The following SLIT3 variants were observed in gnomAD, a reference collection of about 807,000 sequenced individuals.
The protein encoded by SLIT3 is slit homolog 3 protein.
SLIT3 carries 68 observed loss-of-function variants against 184.0 expected under a neutral mutation model. That is an observed-to-expected ratio of 0.37 (90% confidence interval 0.30 to 0.45). The LOEUF (loss-of-function observed/expected upper bound fraction) is 0.45, where lower values mean the gene tolerates loss of function less well. SLIT3 is among the 20% of genes least tolerant of loss of function. The pLI is 1.00. For missense variants in SLIT3, 1,707 were observed against 2,026.0 expected, an observed-to-expected ratio of 0.84 and a Z score of 3.02; for synonymous variants, 831 against 828.6, an observed-to-expected ratio of 1.00 and a Z score of -0.05.
At chr5:168,810,257 C>A (rs1351895740) in intron 8 of SLIT3, among the ~76,000 whole-genome samples, 1 of 152,216 alleles carries the variant, frequency 6.6e-6, no homozygotes, top group South Asian at 2.1e-4. Flanking sequence ...GAATCACTTT[C>A]TATATCTCCG....
intron 4 of SLIT3, among the ~76,000 whole-genome samples, chr5:169,040,670 T>C: frequency 6.6e-6 from 1 of 152,224 alleles, no homozygotes; most frequent in East Asian, 1.9e-4. Context: ...CATTCCCCTA[T>C]GGAACTGTCT....
intron 4 of SLIT3, among the ~76,000 whole-genome samples, chr5:169,045,937 A>G (rs752720314): frequency 1.3e-5 from 2 of 152,224 alleles, no homozygotes; most frequent in African/African-American, 2.4e-5. Flanking sequence ...GTGCATTGCT[A>G]TATCTCTAGG....
intron 1 of SLIT3, among the ~76,000 whole-genome samples, chr5:169,292,643 T>C (rs1167188823): frequency 6.6e-6 from 1 of 152,126 alleles, no homozygotes; most frequent in African/African-American, 2.4e-5. Context: ...TAAAGATCCA[T>C]AGGGCAAGCT....
chr5:169,060,920 T>C (rs1758154936), intron 4 of SLIT3, among the ~76,000 whole-genome samples: 1 of 152,188 alleles, frequency 6.6e-6, no homozygotes, highest in Non-Finnish European at 1.5e-5. Flanking sequence ...ATGGGACCTT[T>C]AGTGGTATCC....
chr5:168,869,918 A>G (rs972352501), intron 5 of SLIT3, among the ~76,000 whole-genome samples: 3 of 152,234 alleles, frequency 2.0e-5, no homozygotes, highest in Non-Finnish European at 4.4e-5. Flanking sequence ...AATGTTAACA[A>G]TGGCAAATAA....
chr5:168,710,982 C>G lies in SLIT3; in HGVS notation c.2632G>C (p.Glu878Gln). Residue 878 changes from glutamate to glutamine, a missense_variant, in exon 25 of 36, where the codon GAG (glutamate) becomes CAG (glutamine). Glu to Gln is a conservative substitution (Grantham distance 29). This residue lies in a region of SLIT3 where 1,307 missense variants were observed against 1,511.6 expected (regional missense o/e 0.86). Transcript: ENST00000519560. ...LSEWVKAGYK[E>Q]PGIARCSSPE... ...CTACTGCAGCGGGCGATGCCAGGCT[C>G]CTTGTACCCCGCCTTCACCCACTCC... 6.4e-7 allele frequency: 1 copy of G among 1,569,788 alleles called. No individual in the cohort carries two copies. Among genetic ancestry groups the G allele is most frequent in the Non-Finnish European group, 8.6e-7 (1 of 1,156,446 alleles).
Position 168,748,444 on chromosome 5 carries a change from G to T in SLIT3, c.2138-10C>A. ...CTACTCTCCTCGTTGCCTGTGGAGA[G>T]CCCCAGAGAGGGTGAGGGTTGTGGG... is the stretch of plus-strand genomic sequence containing the variant. On this transcript the variant is annotated splice_polypyrimidine_tract_variant and intron_variant, in intron 19 of 35. Transcript: ENST00000519560. The T allele has an allele frequency of 6.6e-7, 1 of 1,519,674 alleles. No individual in the cohort carries two copies. The allele number at this position is 1,519,674 out of a possible 1,614,324, so 94.1% of individuals were successfully genotyped here.
chr5:168,989,503 G>A (rs62378614), intron 4 of SLIT3, among the ~76,000 whole-genome samples: 6,005 of 152,288 alleles, frequency 0.039, 158 homozygotes, highest in Non-Finnish European at 0.057. Flanking sequence ...CCGAGCAGAG[G>A]GAGAATGTGA....
intron 4 of SLIT3, chr5:169,012,869 C>CA (rs2113461392): frequency 6.6e-6 from 1 of 152,348 alleles, no homozygotes; most frequent in Admixed American, 6.5e-5. Flanking sequence ...ATTACCTACT[C>CA]ACGGAGGAGC....
rs376850934 is a variant in SLIT3, at chr5:168,899,974, G to T, written c.414-16638C>A. 4.1e-4 allele frequency among the ~76,000 whole-genome samples: 63 copies of T among 152,302 alleles called. No individual in the cohort carries two copies. In the South Asian group the frequency reaches 0.012, roughly 30 times the overall value. The stretch of plus-strand genomic sequence containing the variant: ...ACACAGAGGCCCCGGGAAAAGAGAA[G>T]CGAGAATATTCATTCTCTGTGAATA... On this transcript the variant is annotated intron_variant, in intron 4 of 35. Transcript: ENST00000519560.
chr5:168,704,947 T>A (rs762878125), intron 26 of SLIT3, among the ~76,000 whole-genome samples: 7 of 152,186 alleles, frequency 4.6e-5, no homozygotes, highest in Non-Finnish European at 8.8e-5. Flanking sequence ...GAGAATTTGA[T>A]GCAACCCTCA....
chr5:169,155,586 T>G lies in SLIT3; in HGVS notation c.413+37893A>C, dbSNP rs557744991. ...TAGAGAGAAAATATGAGCCTGAGTC[T>G]TTGCTCACTGCAGTGAGTCTATGCT... On this transcript the variant is annotated intron_variant, in intron 4 of 35. Coordinates refer to ENST00000519560, the MANE Select transcript of SLIT3 (RefSeq NM_003062.4). Among the ~76,000 whole-genome samples, 4 of 152,284 alleles carry G rather than the reference T, an allele frequency of 2.6e-5. No individual in the cohort carries two copies. The East Asian group carries it at 7.7e-4, about 29-fold the overall frequency.
chr5:168,864,631 T>C (rs1035905016), intron 5 of SLIT3, among the ~76,000 whole-genome samples: 1 of 152,228 alleles, frequency 6.6e-6, no homozygotes, highest in African/African-American at 2.4e-5. Flanking sequence ...CCAGCACCCT[T>C]GCCAATTCAG....
chr5:168,799,230 T>C (rs535091580), intron 9 of SLIT3, among the ~76,000 whole-genome samples: 1 of 152,196 alleles, frequency 6.6e-6, no homozygotes, highest in East Asian at 1.9e-4. Context: ...AGACTCCTAG[T>C]GTGAAAAGCT....
chr5:168,796,665 A>T (rs1434650390), intron 9 of SLIT3, among the ~76,000 whole-genome samples: 1 of 152,166 alleles, frequency 6.6e-6, no homozygotes, highest in Admixed American at 6.5e-5. Flanking sequence ...TAGTGGATGC[A>T]CATTTCTGGC....
intron 4 of SLIT3, among the ~76,000 whole-genome samples, chr5:168,910,451 A>G (rs530711681): frequency 3.7e-4 from 57 of 152,308 alleles, no homozygotes; most frequent in African/African-American, 1.3e-3. Context: ...GGATTAAACC[A>G]TCACAATTGC....
chr5:168,753,062 A>C lies in SLIT3; in HGVS notation c.1866T>G (p.Asn622Lys). Residue 622 changes from asparagine to lysine, a missense_variant, in exon 18 of 36, where the codon AAT (asparagine) becomes AAG (lysine). Asn to Lys is a moderately conservative substitution (Grantham distance 94). Transcript: ENST00000519560. Reference protein sequence around the residue: ...LRSNLIGCVSNDTFAGLSSVR... With the variant: ...LRSNLIGCVSKDTFAGLSSVR... ...CCGAACTCAGGCCGGCAAAGGTGTC[A>C]TTACTCACACAGCCGATCAAGTTAC... 1 of 1,614,108 alleles carries C rather than the reference A, an allele frequency of 6.2e-7. No homozygotes were observed. The highest frequency in any genetic ancestry group is 2.2e-5 in the East Asian group (1 of 44,864).
At chr5:168,826,830 C>T (rs985530821) in intron 6 of SLIT3, among the ~76,000 whole-genome samples, 2 of 151,414 alleles carry the variant, frequency 1.3e-5, no homozygotes, top group South Asian at 2.1e-4. Flanking sequence ...GGTGTGATCT[C>T]GGCTCACTGC....
chr5:169,187,437 A>C (rs1035570222), intron 4 of SLIT3, among the ~76,000 whole-genome samples: 10 of 152,114 alleles, frequency 6.6e-5, no homozygotes, highest in Admixed American at 1.3e-4. Flanking sequence ...AACCATTACC[A>C]AATATGGAAC....
Sources: allele counts gnomAD v4.1 joint callset (sites outside exome capture counted in the v4.1 genomes callset), GRCh38; gene constraint gnomAD v4.1.1; regional missense constraint gnomAD v4.1.1; transcripts MANE v1.5; gene names NCBI Gene and HGNC (gene_info 2026-07-23, HGNC 2026-07-21).